Variants in EWSR1 observed in about 807,000 individuals in gnomAD.
EWSR1 encodes RNA-binding protein EWS.
In EWSR1, 14 loss-of-function variants were observed where a neutral mutation model predicts 92.1. That is an observed-to-expected ratio of 0.15 (90% CI 0.10 to 0.24). The LOEUF is 0.24. Ranked by LOEUF, EWSR1 falls within the 10% of genes least tolerant of loss-of-function variation. The pLI is 1.00. For synonymous variants in EWSR1, 303 were observed against 292.9 expected (o/e 1.03, Z -0.35); for missense variants, 637 against 870.9 (o/e 0.73, Z 3.38).
At chr22:29,296,089 G>T in intron 11 of EWSR1, 150 bp from the exon 12 acceptor site, 1 of 808,904 alleles carries the variant, frequency 1.2e-6, no homozygotes, top group Non-Finnish European at 1.9e-6. Context: ...AAATAACTTA[G>T]AATTCTGAAA....
intron 4 of EWSR1, chr22:29,274,397 A>C: frequency 8.6e-7 from 1 of 1,167,152 alleles, no homozygotes; most frequent in Non-Finnish European, 1.3e-6. Context: ...CTAACATCAC[A>C]CACAGCAAGG....
chr22:29,268,414 T>C, intron 1 of EWSR1, 65 bp downstream of exon 1: 1 of 1,613,308 alleles, frequency 6.2e-7, no homozygotes, highest in Non-Finnish European at 8.5e-7. Context: ...GGGTCGTTCG[T>C]CTCTGGGCTT....
intron 7 of EWSR1, among the ~76,000 whole-genome samples, 200 bp from the exon 8 acceptor site, chr22:29,288,406 A>G (rs2060209359): frequency 6.6e-6 from 1 of 152,220 alleles, no homozygotes; most frequent in Non-Finnish European, 1.5e-5. Flanking sequence ...TAACTATATA[A>G]GGTTATTTCA....
intron 12 of EWSR1, among the ~76,000 whole-genome samples, chr22:29,297,533 A>G (rs1178851912): frequency 6.6e-6 from 1 of 152,136 alleles, no homozygotes; most frequent in Non-Finnish European, 1.5e-5. Flanking sequence ...CTCTACAAAC[A>G]ATTTTGTAAA....
At chr22:29,298,425 G>C (rs2061041000) in intron 13 of EWSR1, among the ~76,000 whole-genome samples, 1 of 151,226 alleles carries the variant, frequency 6.6e-6, no homozygotes, top group South Asian at 2.1e-4. Flanking sequence ...AGAATTGTTT[G>C]AATCTGGGGG....
At chr22:29,283,004 C>T (rs1250960093) in intron 6 of EWSR1, among the ~76,000 whole-genome samples, 1 of 152,168 alleles carries the variant, frequency 6.6e-6, no homozygotes, top group Non-Finnish European at 1.5e-5. Flanking sequence ...CCTCGTGATC[C>T]ACCCATCTCG....
chr22:29,272,301 G>T (rs535098541), intron 2 of EWSR1, 49 bp downstream of exon 2: 14 of 1,611,504 alleles, frequency 8.7e-6, no homozygotes, highest in Admixed American at 3.3e-5. Flanking sequence ...AATATTTTTT[G>T]AATATGGAGC....
chr22:29,298,419 T>G (rs2147800834), intron 13 of EWSR1, among the ~76,000 whole-genome samples: 1 of 151,928 alleles, frequency 6.6e-6, no homozygotes, highest in South Asian at 2.1e-4. Context: ...GGCAGGAGAA[T>G]TGTTTGAATC....
chr22:29,281,083 G>GT (rs1398418679), intron 5 of EWSR1, among the ~76,000 whole-genome samples: 1 of 151,614 alleles, frequency 6.6e-6, no homozygotes, highest in African/African-American at 2.4e-5. Flanking sequence ...GTTTCACTGT[G>GT]TTTGCCAGGA....
intron 4 of EWSR1, chr22:29,275,966 CTG>C (rs1419846220): frequency 1.8e-5 from 4 of 222,550 alleles, no homozygotes; most frequent in Non-Finnish European, 2.6e-5. Flanking sequence ...TCATTTTGCT[CTG>C]TTGATTTTTG....
At chr22:29,268,581 G>A (rs998049767) in intron 1 of EWSR1, among the ~76,000 whole-genome samples, 7 of 152,108 alleles carry the variant, frequency 4.6e-5, no homozygotes, top group African/African-American at 2.4e-5. Flanking sequence ...TGCTGCGGCG[G>A]GGGCGCGCGG....
rs1489504126 is a variant in EWSR1, at chr22:29,268,475, C to G, written c.13+126C>G. 17 of 1,546,774 alleles carry G rather than the reference C, an allele frequency of 1.1e-5. 1 individual carries two copies. Among genetic ancestry groups the G allele is most frequent in the South Asian group, 7.8e-5 (7 of 89,660 alleles). On this transcript the variant is annotated intron_variant, in intron 1 of 16. Transcript: ENST00000397938. ...CGAGAGGGGGTTGAGGCACCCGCCG[C>G]GGCCCGACGAGCTCGGGGATCCGCA...
chr22:29,298,676 T>C, intron 13 of EWSR1, 57 bp from the exon 14 acceptor site: 2 of 1,598,436 alleles, frequency 1.3e-6, no homozygotes, highest in East Asian at 4.5e-5. Context: ...TTATTTCCTA[T>C]AGCAAATTTG....
At chr22:29,269,073 A>C (rs897596198) in intron 1 of EWSR1, 1 of 152,150 alleles carries the variant, frequency 6.6e-6, no homozygotes, top group Non-Finnish European at 1.5e-5. Flanking sequence ...CCCCAAAACC[A>C]ATTAAGTGGC....
chr22:29,299,987 GGGGGC>G, intron 16 of EWSR1, 130 bp from the exon 17 acceptor site: 11 of 1,391,066 alleles, frequency 7.9e-6, no homozygotes, highest in East Asian at 2.4e-5. Flanking sequence ...AGGGGCACCT[GGGGGC>G]TCTGGAAGGG....
intron 14 of EWSR1, 164 bp downstream of exon 14, chr22:29,299,059 C>CTGAAGAT: frequency 1.4e-6 from 2 of 1,389,554 alleles, no homozygotes; most frequent in Middle Eastern, 3.7e-4. Context: ...TCAGAGCCTT[C>CTGAAGAT]TGAAGATTGA....
At chr22:29,298,507 C>T (rs867469838) in intron 13 of EWSR1, among the ~76,000 whole-genome samples, 10 of 107,228 alleles carry the variant, frequency 9.3e-5, no homozygotes, top group Non-Finnish European at 1.8e-4. Context: ...ACTCCGTCTC[C>T]AAAAAAAAAA....
At chr22:29,298,032 G>T (rs1278789341) in intron 13 of EWSR1, 83 bp downstream of exon 13, 3 of 1,439,754 alleles carry the variant, frequency 2.1e-6, no homozygotes, top group Non-Finnish European at 2.8e-6. Flanking sequence ...TTAGAGTGAA[G>T]AAATATAAAA....
chr22:29,296,888 C>A (rs569616917), intron 12 of EWSR1, among the ~76,000 whole-genome samples: 35 of 152,124 alleles, frequency 2.3e-4, no homozygotes, highest in African/African-American at 6.5e-4. Flanking sequence ...AAAAAAAATA[C>A]AAAAATTAGC....
Sources: gnomAD v4.1 joint callset for allele counts (sites outside exome capture counted in the v4.1 genomes callset) on GRCh38, gnomAD v4.1.1 for gene constraint, MANE v1.5 for transcripts, NCBI Gene and HGNC (gene_info 2026-07-23, HGNC 2026-07-21) for gene names.